The following EXOC4 variants were observed in gnomAD, a reference collection of about 807,000 sequenced individuals.
EXOC4 encodes the protein SEC8-like 1.
EXOC4 carries 71 observed loss-of-function variants against 107.2 expected under a neutral mutation model. That is an observed-to-expected ratio of 0.66 (90% CI 0.55 to 0.81). The LOEUF (loss-of-function observed/expected upper bound fraction) is 0.81, where lower values mean the gene tolerates loss of function less well. EXOC4 is among the 30% of genes least tolerant of loss of function. The pLI is 0.00. For synonymous variants in EXOC4, 456 were observed against 441.2 expected (o/e 1.03, Z -0.42); for missense variants, 1,108 against 1,189.6 (o/e 0.93, Z 1.01).
chr7:133,539,993 T>G (rs1459317536), intron 9 of EXOC4, among the ~76,000 whole-genome samples: 1 of 152,142 alleles, frequency 6.6e-6, no homozygotes, highest in African/African-American at 2.4e-5. Context: ...TTGATGATTT[T>G]TTGATAATTC....
chr7:133,740,604 C>T (rs935535972), intron 10 of EXOC4, among the ~76,000 whole-genome samples: 3 of 152,182 alleles, frequency 2.0e-5, no homozygotes, highest in Non-Finnish European at 4.4e-5. Context: ...ATATAAAATG[C>T]TTCAGAAACA....
At chr7:134,017,119 A>G (rs1407795385) in intron 17 of EXOC4, among the ~76,000 whole-genome samples, 2 of 152,190 alleles carry the variant, frequency 1.3e-5, no homozygotes, top group African/African-American at 4.8e-5. Flanking sequence ...TCCCAGCTTT[A>G]TTCTGCCATT....
chr7:133,888,140 C>T (rs1274578977), intron 11 of EXOC4, among the ~76,000 whole-genome samples: 1 of 152,104 alleles, frequency 6.6e-6, no homozygotes, highest in Non-Finnish European at 1.5e-5. Flanking sequence ...GAAACTTCTA[C>T]CACCAAATCT....
chr7:133,734,958 C>T (rs990890863), intron 10 of EXOC4, among the ~76,000 whole-genome samples: 1 of 150,374 alleles, frequency 6.7e-6, no homozygotes, highest in South Asian at 2.1e-4. Context: ...CGCCTGTAAT[C>T]CCAGCACTTT....
intron 17 of EXOC4, among the ~76,000 whole-genome samples, chr7:134,045,715 A>G (rs910748765): frequency 6.6e-6 from 1 of 152,182 alleles, no homozygotes; most frequent in African/African-American, 2.4e-5. Flanking sequence ...ATCACCAGCT[A>G]GTTTTGGAAC....
intron 9 of EXOC4, among the ~76,000 whole-genome samples, chr7:133,603,610 G>A (rs534639706): frequency 3.9e-5 from 6 of 152,172 alleles, no homozygotes; most frequent in African/African-American, 7.2e-5. Flanking sequence ...GTAACAAAAC[G>A]GGTATTTGTC....
At chr7:133,264,512 A>G (rs1793668795) in intron 1 of EXOC4, among the ~76,000 whole-genome samples, 1 of 152,216 alleles carries the variant, frequency 6.6e-6, no homozygotes, top group Non-Finnish European at 1.5e-5. Context: ...AGACATAATT[A>G]AGAAATAAGC....
At chr7:133,575,102 A>C (rs903560162) in intron 9 of EXOC4, among the ~76,000 whole-genome samples, 14 of 152,176 alleles carry the variant, frequency 9.2e-5, no homozygotes, top group Non-Finnish European at 1.6e-4. Flanking sequence ...TTTTTTCCCC[A>C]AAAGAAGTCA....
At chr7:133,441,788 G>A (rs896371104) in intron 7 of EXOC4, among the ~76,000 whole-genome samples, 2 of 152,156 alleles carry the variant, frequency 1.3e-5, no homozygotes, top group African/African-American at 4.8e-5. Flanking sequence ...GATACAGTGG[G>A]GCTAATTTTG....
chr7:133,611,860 C>T (rs996533991), intron 9 of EXOC4, among the ~76,000 whole-genome samples: 4 of 152,172 alleles, frequency 2.6e-5, no homozygotes, highest in Non-Finnish European at 5.9e-5. Context: ...TCTAATCTTT[C>T]ATAACACAGA....
chr7:133,408,675 A>G (rs1027621727), intron 7 of EXOC4, among the ~76,000 whole-genome samples: 1 of 152,048 alleles, frequency 6.6e-6, no homozygotes, highest in Non-Finnish European at 1.5e-5. Context: ...TGCATCCATA[A>G]TTTACTACAT....
At chr7:133,537,094 TC>T (rs1252044387) in intron 9 of EXOC4, among the ~76,000 whole-genome samples, 1 of 152,168 alleles carries the variant, frequency 6.6e-6, no homozygotes, top group African/African-American at 2.4e-5. Context: ...ATGTGCTATA[TC>T]CTTAGCCAAG....
At chr7:133,540,451 T>C (rs992374247) in intron 9 of EXOC4, among the ~76,000 whole-genome samples, 9 of 152,228 alleles carry the variant, frequency 5.9e-5, no homozygotes, top group African/African-American at 2.2e-4. Flanking sequence ...ATAGTTCTTA[T>C]TACTTCAGAA....
intron 5 of EXOC4, among the ~76,000 whole-genome samples, chr7:133,319,784 G>A (rs192515080): frequency 8.9e-5 from 13 of 145,960 alleles, no homozygotes; most frequent in Non-Finnish European, 1.8e-4. Context: ...CTGGCCAGAC[G>A]TTTCTTTTTA....
At chr7:133,741,209 G>C (rs939214101) in intron 10 of EXOC4, among the ~76,000 whole-genome samples, 3 of 152,106 alleles carry the variant, frequency 2.0e-5, no homozygotes, top group African/African-American at 7.2e-5. Context: ...CTCCCCAGCA[G>C]GTATCTTCAT....
intron 14 of EXOC4, among the ~76,000 whole-genome samples, chr7:133,965,387 T>A (rs570838252): frequency 2.6e-5 from 4 of 152,308 alleles, no homozygotes; most frequent in Non-Finnish European, 5.9e-5. Flanking sequence ...GGTGTTTTAG[T>A]CATGAAGTCT....
chr7:133,327,090 TC>T (rs1332437034), intron 5 of EXOC4, among the ~76,000 whole-genome samples: 2 of 152,130 alleles, frequency 1.3e-5, no homozygotes, highest in Non-Finnish European at 2.9e-5. Context: ...GTCCTGATTT[TC>T]CAGGTGCCAT....
chr7:133,766,356 C>T (rs747463808), intron 10 of EXOC4, among the ~76,000 whole-genome samples: 2 of 152,014 alleles, frequency 1.3e-5, no homozygotes, highest in African/African-American at 2.4e-5. Flanking sequence ...ATTTACCTAA[C>T]ACTGGTAACA....
intron 14 of EXOC4, among the ~76,000 whole-genome samples, chr7:133,971,383 G>A (rs1801229206): frequency 7.1e-6 from 1 of 140,970 alleles, no homozygotes; most frequent in East Asian, 2.1e-4. Flanking sequence ...GAGAGAGAGA[G>A]AGAGAGAGAG....
Sources: allele counts gnomAD v4.1 joint callset (sites outside exome capture counted in the v4.1 genomes callset), GRCh38; gene constraint gnomAD v4.1.1; transcripts MANE v1.5; gene names NCBI Gene and HGNC (gene_info 2026-07-23, HGNC 2026-07-21).